Variants in MYO16 observed in about 807,000 individuals in gnomAD.
MYO16 encodes the protein unconventional myosin-XVI.
In MYO16, 94 loss-of-function variants were observed where a neutral mutation model predicts 205.3. The observed-to-expected ratio is 0.46, with a 90% confidence interval of 0.39 to 0.54. The LOEUF (loss-of-function observed/expected upper bound fraction) is 0.54. MYO16 is among the 20% of genes least tolerant of loss of function. The probability of loss-of-function intolerance (pLI) is 0.00; values close to 1 mark genes in which losing one functional copy is unlikely to be tolerated. For missense variants in MYO16, 2,315 were observed against 2,387.5 expected (o/e 0.97, Z 0.63); for synonymous variants, 988 against 954.0 (o/e 1.04, Z -0.66).
chr13:108,674,213 G>A (rs1386830292), intron 2 of MYO16, among the ~76,000 whole-genome samples: 3 of 152,104 alleles, frequency 2.0e-5, no homozygotes, highest in Admixed American at 6.6e-5. Context: ...TATGCCTTAA[G>A]TGTTTTACAC....
At chr13:108,719,610 A>T (rs1293263910) in intron 3 of MYO16, among the ~76,000 whole-genome samples, 1 of 152,148 alleles carries the variant, frequency 6.6e-6, no homozygotes, top group Non-Finnish European at 1.5e-5. Flanking sequence ...GTAGTTCCTC[A>T]GTGAATATGT....
chr13:108,903,612 G>C (rs1009826270), intron 15 of MYO16, among the ~76,000 whole-genome samples: 8 of 152,260 alleles, frequency 5.3e-5, no homozygotes, highest in African/African-American at 1.9e-4. Flanking sequence ...TTCAGTTTAA[G>C]AATGAAATCA....
At chr13:108,641,731 G>T (rs574612853) in intron 1 of MYO16, among the ~76,000 whole-genome samples, 2 of 152,042 alleles carry the variant, frequency 1.3e-5, no homozygotes, top group Non-Finnish European at 2.9e-5. Flanking sequence ...ATTTATGCAG[G>T]GCAACATTTT....
intron 4 of MYO16, among the ~76,000 whole-genome samples, chr13:108,742,421 T>A (rs1300566641): frequency 6.6e-6 from 1 of 152,178 alleles, no homozygotes; most frequent in East Asian, 1.9e-4. Context: ...TGTACTCAGT[T>A]ATATGATTAT....
At chr13:108,593,994 C>T (rs756373266), upstream of MYO16, among the ~76,000 whole-genome samples, 6 of 152,146 alleles carry the variant, frequency 3.9e-5, no homozygotes, top group Non-Finnish European at 7.4e-5. Context: ...GACCAGGTGT[C>T]TCTGTGCTCA....
intron 5 of MYO16, among the ~76,000 whole-genome samples, chr13:108,793,241 G>A (rs1431045250): frequency 6.8e-6 from 1 of 146,748 alleles, no homozygotes; most frequent in African/African-American, 2.6e-5. Context: ...AGCAGCGATC[G>A]CACCACTGCA....
At chr13:108,863,792 C>G (rs556594023) in intron 11 of MYO16, among the ~76,000 whole-genome samples, 4 of 152,130 alleles carry the variant, frequency 2.6e-5, no homozygotes, top group Non-Finnish European at 5.9e-5. Context: ...GAAGAATTCA[C>G]CAGTGAAGCC....
At chr13:109,101,150 C>A (rs1476556914) in intron 28 of MYO16, 2 of 368,278 alleles carry the variant, frequency 5.4e-6, no homozygotes, top group South Asian at 3.7e-5. Flanking sequence ...TCTGTTTGCC[C>A]GTGTGTCAGA....
chr13:108,849,166 T>A (rs564963135), intron 10 of MYO16, among the ~76,000 whole-genome samples: 1 of 143,062 alleles, frequency 7.0e-6, no homozygotes, highest in Non-Finnish European at 1.5e-5. Context: ...CAACACGAAG[T>A]TTTTTTCTGT....
At chr13:108,765,475 C>T (rs551821308) in intron 4 of MYO16, among the ~76,000 whole-genome samples, 4 of 152,214 alleles carry the variant, frequency 2.6e-5, no homozygotes, top group Non-Finnish European at 5.9e-5. Context: ...CAGTGCTTCC[C>T]TTCTGAATTT....
chr13:108,738,127 C>A (rs1884770670), intron 4 of MYO16, among the ~76,000 whole-genome samples: 1 of 151,934 alleles, frequency 6.6e-6, no homozygotes, highest in Admixed American at 6.6e-5. Flanking sequence ...TTTTGTGTTT[C>A]TATCTCCTTC....
intron 4 of MYO16, among the ~76,000 whole-genome samples, chr13:108,738,295 C>T (rs181780859): frequency 2.2e-4 from 34 of 152,316 alleles, no homozygotes; most frequent in Admixed American, 9.8e-4. Context: ...TCCCTCTACA[C>T]GCTGCTTTAA....
chr13:108,991,283 T>C (rs565882814), intron 20 of MYO16, among the ~76,000 whole-genome samples: 1 of 152,338 alleles, frequency 6.6e-6, no homozygotes, highest in East Asian at 1.9e-4. Flanking sequence ...CTTACATCTT[T>C]CCTTGCTTAC....
At chr13:108,896,857 A>G (rs868224349) in intron 14 of MYO16, among the ~76,000 whole-genome samples, 32 of 152,230 alleles carry the variant, frequency 2.1e-4, no homozygotes, top group Middle Eastern at 6.8e-3. Flanking sequence ...TTGTAATCCC[A>G]GCTACTCCAG....
At chr13:109,006,503 G>C (rs1885390895) in intron 21 of MYO16, among the ~76,000 whole-genome samples, 2 of 152,108 alleles carry the variant, frequency 1.3e-5, no homozygotes, top group South Asian at 4.2e-4. Context: ...GCCTCCCAAA[G>C]TGCTGGGGTT....
intron 20 of MYO16, among the ~76,000 whole-genome samples, chr13:108,965,562 A>G (rs1883761431): frequency 6.6e-6 from 1 of 151,998 alleles, no homozygotes; most frequent in Admixed American, 6.6e-5. Flanking sequence ...ATGCGCCACC[A>G]CACCCGGCTA....
chr13:108,606,899 C>A (rs1429199911), intron 1 of MYO16, among the ~76,000 whole-genome samples: 2 of 152,196 alleles, frequency 1.3e-5, no homozygotes, highest in Non-Finnish European at 2.9e-5. Context: ...CAGCCCAAGG[C>A]CATGGAAGCC....
chr13:108,976,084 A>C (rs1328656190), intron 20 of MYO16, among the ~76,000 whole-genome samples: 5 of 152,200 alleles, frequency 3.3e-5, no homozygotes, highest in Non-Finnish European at 7.4e-5. Flanking sequence ...AACTTAATCT[A>C]AATGGTAGAC....
At chr13:109,049,245 T>C (rs1844754554) in intron 24 of MYO16, among the ~76,000 whole-genome samples, 1 of 152,150 alleles carries the variant, frequency 6.6e-6, no homozygotes, top group Admixed American at 6.5e-5. Context: ...TGGTTTGTGG[T>C]CAGTGACTCC....
Sources: gnomAD v4.1 joint callset for allele counts (sites outside exome capture counted in the v4.1 genomes callset) on GRCh38, gnomAD v4.1.1 for gene constraint, MANE v1.5 for transcripts, NCBI Gene and HGNC (gene_info 2026-07-23, HGNC 2026-07-21) for gene names.